Variants in CD2BP2 observed in about 807,000 individuals in gnomAD.
The protein encoded by CD2BP2 is CD2 cytoplasmic tail binding protein 2.
Under a neutral mutation model 35.9 loss-of-function variants are expected in CD2BP2, and 27 were observed. The ratio of observed to expected loss-of-function variants is 0.75; its 90% confidence interval spans 0.55 to 1.04. The LOEUF is 1.04. Among genes scored for constraint, CD2BP2 ranks in the 50% least tolerant of loss-of-function variants. CD2BP2 has a pLI of 0.00. For missense variants in CD2BP2, 497 were observed against 444.3 expected (o/e 1.12, Z -1.07); for synonymous variants, 213 against 173.5 (o/e 1.23, Z -1.79).
chr16:30,354,931 C>T (rs936529967), intron 1 of CD2BP2: 7 of 503,962 alleles, frequency 1.4e-5, no homozygotes, highest in African/African-American at 1.4e-4. Context: ...CCTCTGGATC[C>T]CCCGACCCTG....
At chr16:30,354,489 C>G in intron 2 of CD2BP2, 115 bp downstream of exon 2, 7 of 1,392,140 alleles carry the variant, frequency 5.0e-6, no homozygotes, top group Non-Finnish European at 7.0e-6. Context: ...CTCAGAGAAC[C>G]TGAAAAAACT....
Position 30,353,575 on chromosome 16 carries a change from G to C in CD2BP2, c.601C>G (p.Arg201Gly). 2 of 1,614,094 alleles carry C rather than the reference G, an allele frequency of 1.2e-6. No individual in the cohort carries two copies. Among genetic ancestry groups the C allele is most frequent in the Non-Finnish European group, 8.5e-7 (1 of 1,179,982 alleles). Residue 201 changes from arginine to glycine, a missense_variant, in exon 5 of 7, where the codon CGG becomes GGG. Arg to Gly is a moderately radical substitution (Grantham distance 125, BLOSUM62 -2). Transcript: ENST00000305596. Reference sequence around the variant, plus strand: ...ATCTGGTCGGCCAACCCGGAGAGCCGGTCCAGGCGCTGAGGGGAACTGGGT... The same window carrying C: ...ATCTGGTCGGCCAACCCGGAGAGCCCGTCCAGGCGCTGAGGGGAACTGGGT... ...GQPSSPQRLD[R>G]LSGLADQMVA...
At chr16:30,354,082 T>C (rs2049511306) in intron 3 of CD2BP2, 24 bp from the exon 4 acceptor site, 1 of 1,613,044 alleles carries the variant, frequency 6.2e-7, no homozygotes. Context: ...ACAGGTGCCC[T>C]TTTCCAGGCA....
Position 30,353,980 on chromosome 16 carries a change from C to G in CD2BP2, c.296G>C (p.Gly99Ala), listed in dbSNP as rs1406196184. 6.2e-7 allele frequency: 1 copy of G among 1,614,208 alleles called. No individual in the cohort carries two copies. Among genetic ancestry groups the G allele is most frequent in the Non-Finnish European group, 8.5e-7 (1 of 1,180,032 alleles). The change falls in exon 4 of 7, where the codon GGC becomes GCC. Residue 99 changes from glycine to alanine, a missense_variant. Physicochemically the swap from Gly to Ala is moderately conservative, Grantham distance 60. Transcript: ENST00000305596. Reference protein sequence around the residue: ...PFNLQEEMEEGHFDADGNYFL... With the variant: ...PFNLQEEMEEAHFDADGNYFL... Reference sequence around the variant, plus strand: ...GTAGTTGCCATCGGCATCAAAGTGGCCTTCCTCCATCTCCTCCTGCAGGTT... The same window carrying G: ...GTAGTTGCCATCGGCATCAAAGTGGGCTTCCTCCATCTCCTCCTGCAGGTT...
chr16:30,353,571 A>T lies in CD2BP2; in HGVS notation c.605T>A (p.Leu202His), dbSNP rs772838284. ...CACCATCTGGTCGGCCAACCCGGAG[A>T]GCCGGTCCAGGCGCTGAGGGGAACT... ...QPSSPQRLDR[L>H]SGLADQMVAR... The change falls in exon 5 of 7, where the codon CTC becomes CAC. Residue 202 changes from leucine (L) to histidine (H), a missense_variant. Leu to His is a moderately conservative substitution (Grantham distance 99). Coordinates refer to ENST00000305596, the MANE Select transcript of CD2BP2 (RefSeq NM_006110.3). 1.9e-6 allele frequency: 3 copies of T among 1,614,086 alleles called. No homozygotes were observed. Among genetic ancestry groups the T allele is most frequent in the Non-Finnish European group, 2.5e-6 (3 of 1,179,980 alleles).
In CD2BP2 at chr16:30,350,929, A is replaced by ATCGCC. The variant is rs1252610842; in HGVS notation, c.*2051_*2055dup. On this transcript the variant is annotated 3_prime_UTR_variant, in exon 7 of 7. Coordinates refer to ENST00000305596, the MANE Select transcript of CD2BP2 (RefSeq NM_006110.3). ...TTCCAGCTCCTCCAGGGGCCACCTC[A>ATCGCC]TCGCCTGGCCCCAGGCCTTCTTGCC... 2 of 152,644 alleles carry ATCGCC rather than the reference A, an allele frequency of 1.3e-5. No individual in the cohort carries two copies. Among genetic ancestry groups the ATCGCC allele is most frequent in the Non-Finnish European group, 2.9e-5 (2 of 68,070 alleles). The allele number at this position is 152,644 out of a possible 1,614,324, so 9.5% of individuals were successfully genotyped here.
rs1306620941 is a variant in CD2BP2, at chr16:30,353,940, A to G, written c.336T>C (p.Asp112=). The change falls in exon 4 of 7, where the codon GAT becomes GAC. Residue 112 remains aspartate (D), a synonymous_variant. Coordinates refer to ENST00000305596, the MANE Select transcript of CD2BP2 (RefSeq NM_006110.3). ...DADGNYFLNR[D]AQIRDSWLDN... is the part of the protein sequence containing the mutation. The stretch of plus-strand genomic sequence containing the variant: ...CCAGCCAGCTGTCTCGGATCTGAGC[A>G]TCCCGGTTCAGGAAGTAGTTGCCAT... The G allele has an allele frequency of 6.2e-7, 1 of 1,614,156 alleles. No individual in the cohort carries two copies. Among genetic ancestry groups the G allele is most frequent in the South Asian group, 1.1e-5 (1 of 91,090 alleles).
intron 1 of CD2BP2, 31 bp from the exon 2 acceptor site, chr16:30,354,738 G>A: frequency 6.9e-7 from 1 of 1,451,432 alleles, no homozygotes; most frequent in African/African-American, 1.4e-5. Flanking sequence ...AAGGGAACCG[G>A]GTGAGGAGGG....
Position 30,353,734 on chromosome 16 carries a change from C to T in CD2BP2, c.442G>A (p.Gly148Ser). ...ASDSEEEDSL[G>S]QTSMSAQALL... is the part of the protein sequence containing the mutation. Reference sequence around the variant, plus strand: ...GCTTGGGCACTCATTGAGGTCTGGCCCAAGCTGTCCTCCTCCTCCGAGTCT... The same window carrying T: ...GCTTGGGCACTCATTGAGGTCTGGCTCAAGCTGTCCTCCTCCTCCGAGTCT... Residue 148 changes from glycine (G) to serine (S), a missense_variant, in exon 5 of 7, where the codon GGC becomes AGC. Coordinates refer to ENST00000305596, the MANE Select transcript of CD2BP2 (RefSeq NM_006110.3). 1 of 1,611,458 alleles carries T rather than the reference C, an allele frequency of 6.2e-7. No homozygotes were observed. The highest frequency in any genetic ancestry group is 8.5e-7 in the Non-Finnish European group (1 of 1,178,936).
rs1318736891 is a variant in CD2BP2, at chr16:30,353,507, T to C, written c.669A>G (p.Glu223=). The C allele has an allele frequency of 1.9e-6, 3 of 1,614,174 alleles. No homozygotes were observed. The highest frequency in any genetic ancestry group is 2.5e-6 in the Non-Finnish European group (3 of 1,180,020). The change falls in exon 5 of 7, where the codon GAA becomes GAG. Residue 223 remains glutamate (E), a synonymous_variant. Transcript: ENST00000305596. ...AACCCTTCAGACGCATAGCCAACCG[T>C]TCCCTTGTTTCCTGGTACACACCAA... ...GNLGVYQETR[E]RLAMRLKGLG... is the part of the protein sequence containing the mutation.
intron 1 of CD2BP2, 38 bp from the exon 2 acceptor site, chr16:30,354,745 AG>A: frequency 7.1e-7 from 1 of 1,408,064 alleles, no homozygotes; most frequent in Non-Finnish European, 1.0e-6. Context: ...CCGGGTGAGG[AG>A]GGGACTCGCC....
In CD2BP2 at chr16:30,353,195, T is replaced by C; in HGVS notation, c.901A>G (p.Ser301Gly). 1 of 1,613,602 alleles carries C rather than the reference T, an allele frequency of 6.2e-7. No individual in the cohort carries two copies. Among genetic ancestry groups the C allele is most frequent in the Non-Finnish European group, 8.5e-7 (1 of 1,179,516 alleles). Residue 301 changes from serine to glycine, a missense_variant, in exon 6 of 7, where the codon AGC becomes GGC. Transcript: ENST00000305596. ...AAGCAGCTCACCTGCATCTGGGCGC[T>C]GGTGAAGGGCCCATACAGCTCGGCA... is the stretch of plus-strand genomic sequence containing the variant. ...GDAELYGPFT[S>G]AQMQTWVSEG...
Position 30,353,692 on chromosome 16 carries a change from A to G in CD2BP2, c.484T>C (p.Leu162=), listed in dbSNP as rs1376672352. The part of the protein sequence containing the change: ...MSAQALLEGL[L]ELLLPRETVA... ...GTCTCTCTAGGCAATAGGAGCTCCAAAAGTCCCTCCAAGAGGGCTTGGGCA... is the reference window on the plus strand; with the variant it reads ...GTCTCTCTAGGCAATAGGAGCTCCAGAAGTCCCTCCAAGAGGGCTTGGGCA... Residue 162 remains leucine (L), a synonymous_variant, in exon 5 of 7, where the codon TTG becomes CTG. Coordinates refer to ENST00000305596, the MANE Select transcript of CD2BP2 (RefSeq NM_006110.3). The G allele has an allele frequency of 1.2e-6, 2 of 1,613,806 alleles. No individual in the cohort carries two copies. Among genetic ancestry groups the G allele is most frequent in the Non-Finnish European group, 1.7e-6 (2 of 1,179,948 alleles).
At position 30,353,762 on chromosome 16, in the gene CD2BP2, G is replaced by A. The variant is rs1320841639; in HGVS notation, c.414C>T (p.Ala138=). The part of the protein sequence containing the change: ...IRERPPGQRQ[A]SDSEEEDSLG... The stretch of plus-strand genomic sequence containing the variant: ...AGCTGTCCTCCTCCTCCGAGTCTGA[G>A]GCCTGGCGCTGGCCAGGTGGCCGCT... Residue 138 remains alanine (A), a synonymous_variant, in exon 5 of 7, where the codon GCC becomes GCT. Transcript: ENST00000305596. 6.2e-7 allele frequency: 1 copy of A among 1,605,962 alleles called. No homozygotes were observed. The highest frequency in any genetic ancestry group is 1.1e-5 in the South Asian group (1 of 90,994).
In CD2BP2 at chr16:30,351,352, C is replaced by A. The variant is rs941731767; in HGVS notation, c.*1633G>T. 1 of 152,338 alleles carries A rather than the reference C, an allele frequency of 6.6e-6. No individual in the cohort carries two copies. Among genetic ancestry groups the A allele is most frequent in the Non-Finnish European group, 1.5e-5 (1 of 68,134 alleles). The allele number at this position is 152,338 out of a possible 1,614,324, so 9.4% of individuals were successfully genotyped here. ...CCCCTGAGACCATCCCTGGGGCCTA[C>A]AGGAGAACCCTGTACCTCAGCAGCC... On this transcript the variant is annotated 3_prime_UTR_variant, in exon 7 of 7. Transcript: ENST00000305596.
chr16:30,353,558 G>C lies in CD2BP2; in HGVS notation c.618C>G (p.Ala206=), dbSNP rs199886258. 2.5e-6 allele frequency: 4 copies of C among 1,614,158 alleles called. No homozygotes were observed. In the East Asian group the frequency reaches 6.7e-5, roughly 27 times the overall value. Residue 206 remains alanine, a synonymous_variant, in exon 5 of 7, where the codon GCC becomes GCG. Coordinates refer to ENST00000305596, the MANE Select transcript of CD2BP2 (RefSeq NM_006110.3). ...PQRLDRLSGL[A]DQMVARGNLG... ...GGTTGCCCCGGGCCACCATCTGGTC[G>C]GCCAACCCGGAGAGCCGGTCCAGGC...
At position 30,353,089 on chromosome 16, in the gene CD2BP2, C is replaced by G; in HGVS notation, c.922G>C (p.Val308Leu). 6.2e-7 allele frequency: 1 copy of G among 1,613,774 alleles called. No homozygotes were observed. The highest frequency in any genetic ancestry group is 8.5e-7 in the Non-Finnish European group (1 of 1,179,714). ...CCGTCCGGGAAGTAGCCTTCACTCACCCAGGTCTGCAAGGAGAGGGCAGAG... is the reference window on the plus strand; with the variant it reads ...CCGTCCGGGAAGTAGCCTTCACTCAGCCAGGTCTGCAAGGAGAGGGCAGAG... ...PFTSAQMQTW[V>L]SEGYFPDGVY... is the part of the protein sequence containing the mutation. Residue 308 changes from valine to leucine, a missense_variant, in exon 7 of 7, where the codon GTG becomes CTG. Physicochemically the swap from Val to Leu is conservative, Grantham distance 32. Coordinates refer to ENST00000305596, the MANE Select transcript of CD2BP2 (RefSeq NM_006110.3).
chr16:30,354,223 AC>A lies in CD2BP2; in HGVS notation c.177del (p.Ser60ProfsTer12), dbSNP rs748919274. ...GAGGCCAAGATGTCATATTTGCTGG[AC>A]CCCCCATCATCATCATCCTCCTCCT... Reference protein sequence around the residue: ...SDEEEDDDDGGSSKYDILASE... With the variant: ...SDEEEDDDDGXSSKYDILASE... On this transcript the variant is annotated frameshift_variant, in exon 3 of 7. Transcript: ENST00000305596. LOFTEE classifies it high-confidence loss of function. 2 of 1,612,760 alleles carry A rather than the reference AC, an allele frequency of 1.2e-6. No individual in the cohort carries two copies. Among genetic ancestry groups the A allele is most frequent in the East Asian group, 2.2e-5 (1 of 44,784 alleles).
At chr16:30,354,748 G>T in intron 1 of CD2BP2, 41 bp from the exon 2 acceptor site, 1 of 1,379,230 alleles carries the variant, frequency 7.3e-7, no homozygotes. Context: ...GGTGAGGAGG[G>T]GACTCGCCAA....
Sources: gnomAD v4.1 joint callset for allele counts on GRCh38, gnomAD v4.1.1 for gene constraint, MANE v1.5 for transcripts, NCBI Gene and HGNC (gene_info 2026-07-23, HGNC 2026-07-21) for gene names.